The following FRMD4A variants were observed in gnomAD, a reference collection of about 807,000 sequenced individuals.
FRMD4A encodes FERM domain-containing protein 4A.
A neutral mutation model predicts 129.1 loss-of-function variants in FRMD4A; 29 were observed. That is an observed-to-expected ratio of 0.22 (90% CI 0.17 to 0.31). The LOEUF is 0.31. Among genes scored for constraint, FRMD4A ranks in the 10% least tolerant of loss-of-function variants. The pLI is 1.00. For synonymous variants in FRMD4A, 634 were observed against 571.6 expected (o/e 1.11, Z -1.56); for missense variants, 1,272 against 1,375.8 (o/e 0.92, Z 1.19).
At chr10:14,057,726 C>T (rs941279370) in intron 2 of FRMD4A, among the ~76,000 whole-genome samples, 17 of 152,104 alleles carry the variant, frequency 1.1e-4, no homozygotes, top group African/African-American at 4.1e-4. Context: ...AGGGGCCACC[C>T]TGCCCGGCTA....
chr10:14,329,203 C>G (rs1316223155), intron 2 of FRMD4A, among the ~76,000 whole-genome samples: 1 of 152,148 alleles, frequency 6.6e-6, no homozygotes, highest in Non-Finnish European at 1.5e-5. Flanking sequence ...CATAAAATCT[C>G]CTGTGTAAAT....
At chr10:13,836,626 C>T (rs2130958108) in intron 3 of FRMD4A, among the ~76,000 whole-genome samples, 1 of 152,208 alleles carries the variant, frequency 6.6e-6, no homozygotes. Flanking sequence ...GGTCCTTGTT[C>T]CTCCACAACT....
chr10:13,851,317 G>A (rs545218110), intron 3 of FRMD4A, among the ~76,000 whole-genome samples: 2 of 152,218 alleles, frequency 1.3e-5, no homozygotes, highest in African/African-American at 2.4e-5. Context: ...CAAACAATTC[G>A]ATTGCCTTCA....
chr10:13,947,371 GTAAATAA>G (rs2095339660), intron 2 of FRMD4A, among the ~76,000 whole-genome samples: 1 of 152,118 alleles, frequency 6.6e-6, no homozygotes. Context: ...CTCACAAACA[GTAAATAA>G]TTGAGTGGGA....
intron 2 of FRMD4A, among the ~76,000 whole-genome samples, chr10:14,152,606 C>A (rs368106714): frequency 6.6e-6 from 1 of 152,110 alleles, no homozygotes; most frequent in African/African-American, 2.4e-5. Flanking sequence ...AGAAGCCGGG[C>A]GCGGTGGCTC....
chr10:13,823,815 C>T (rs1349210624), intron 3 of FRMD4A, among the ~76,000 whole-genome samples: 3 of 152,208 alleles, frequency 2.0e-5, no homozygotes, highest in Admixed American at 1.3e-4. Flanking sequence ...TGACACTGCA[C>T]ACTGAATTAT....
intron 19 of FRMD4A, among the ~76,000 whole-genome samples, chr10:13,660,859 T>C (rs909915140): frequency 1.3e-4 from 20 of 152,178 alleles, no homozygotes; most frequent in Admixed American, 6.5e-5. Context: ...AAATGACTGC[T>C]TCACACTAAA....
At chr10:13,763,550 T>C (rs2092159902) in intron 6 of FRMD4A, among the ~76,000 whole-genome samples, 1 of 152,196 alleles carries the variant, frequency 6.6e-6, no homozygotes, top group South Asian at 2.1e-4. Flanking sequence ...TGTTACACAG[T>C]GTAAGTTTAA....
intron 8 of FRMD4A, among the ~76,000 whole-genome samples, chr10:13,750,474 G>A (rs1231791105): frequency 6.6e-6 from 1 of 152,220 alleles, no homozygotes; most frequent in African/African-American, 2.4e-5. Context: ...GGGGTGATGT[G>A]TGATCATGTC....
At chr10:14,083,924 A>C (rs1836087519) in intron 2 of FRMD4A, 1 of 152,242 alleles carries the variant, frequency 6.6e-6, no homozygotes, top group Admixed American at 6.5e-5. Context: ...TTCTAAAGAA[A>C]GAATGCCATG....
chr10:14,003,849 T>G (rs770222882), intron 2 of FRMD4A, among the ~76,000 whole-genome samples: 14 of 152,242 alleles, frequency 9.2e-5, no homozygotes, highest in Non-Finnish European at 1.5e-4. Context: ...TATAGCAGTT[T>G]AATAAAAACT....
intron 8 of FRMD4A, among the ~76,000 whole-genome samples, chr10:13,756,680 A>G (rs2091878470): frequency 6.6e-6 from 1 of 152,164 alleles, no homozygotes; most frequent in South Asian, 2.1e-4. Context: ...TTATTATTTT[A>G]AGAAAATTTG....
chr10:14,020,702 G>C (rs990726069), intron 2 of FRMD4A, among the ~76,000 whole-genome samples: 1 of 152,066 alleles, frequency 6.6e-6, no homozygotes, highest in African/African-American at 2.4e-5. Flanking sequence ...CCATGCTAGG[G>C]AAGCCAGCAG....
At chr10:14,212,409 G>A (rs1842957138) in intron 2 of FRMD4A, among the ~76,000 whole-genome samples, 1 of 152,130 alleles carries the variant, frequency 6.6e-6, no homozygotes, top group African/African-American at 2.4e-5. Flanking sequence ...CAAAGGCGTG[G>A]ATCAGATGTT....
Position 13,650,998 on chromosome 10 carries a change from A to ATATC in FRMD4A, c.*2+901_*2+904dup, listed in dbSNP as rs1415093036. 7 of 152,200 alleles carry ATATC rather than the reference A, an allele frequency of 4.6e-5. No homozygotes were observed. The East Asian group carries it at 9.6e-4, about 21-fold the overall frequency. 9.4% of individuals were successfully genotyped at this position (152,200 alleles called of 1,614,324 possible). The stretch of plus-strand genomic sequence containing the variant: ...TGTAGCAGTTTCTCATGCTCCTTGT[A>ATATC]TATCTTCTGATAGGCAATTTGATTT... On this transcript the variant is annotated intron_variant, in intron 24 of 24. Coordinates refer to ENST00000357447, the MANE Select transcript of FRMD4A (RefSeq NM_018027.5).
intron 3 of FRMD4A, among the ~76,000 whole-genome samples, chr10:13,831,204 A>G (rs1322436559): frequency 6.6e-6 from 1 of 152,182 alleles, no homozygotes; most frequent in East Asian, 1.9e-4. Flanking sequence ...GTTTTAGACC[A>G]AACGCAATGC....
chr10:14,283,163 G>A (rs1212168078), intron 2 of FRMD4A, among the ~76,000 whole-genome samples: 1 of 152,222 alleles, frequency 6.6e-6, no homozygotes, highest in African/African-American at 2.4e-5. Flanking sequence ...AACAGCACTT[G>A]CTAAATGTCA....
chr10:13,953,462 G>A (rs978754415), intron 2 of FRMD4A, among the ~76,000 whole-genome samples: 2 of 152,110 alleles, frequency 1.3e-5, no homozygotes, highest in South Asian at 4.1e-4. Context: ...GAATTCATAA[G>A]TTTTAAATTG....
At chr10:14,214,340 A>G (rs944980701) in intron 2 of FRMD4A, among the ~76,000 whole-genome samples, 9 of 152,168 alleles carry the variant, frequency 5.9e-5, no homozygotes, top group African/African-American at 1.9e-4. Flanking sequence ...GTCATGCTGC[A>G]TGAAGTCCCA....
Sources: allele counts gnomAD v4.1 joint callset (sites outside exome capture counted in the v4.1 genomes callset), GRCh38; gene constraint gnomAD v4.1.1; transcripts MANE v1.5; gene names NCBI Gene and HGNC (gene_info 2026-07-23, HGNC 2026-07-21).